Variants in RAP1A observed in about 807,000 individuals in gnomAD.
The protein encoded by RAP1A is RAP1A, member of RAS oncogene family.
In RAP1A, 6 loss-of-function variants were observed where a neutral mutation model predicts 26.4. The ratio of observed to expected loss-of-function variants is 0.23; its 90% CI spans 0.12 to 0.45. The LOEUF (loss-of-function observed/expected upper bound fraction) is 0.45. RAP1A is among the 20% of genes least tolerant of loss of function. RAP1A has a pLI of 0.99. For synonymous variants in RAP1A, 73 were observed against 79.4 expected (o/e 0.92, Z 0.43); for missense variants, 121 against 217.2 (o/e 0.56, Z 2.78).
intron 1 of RAP1A, among the ~76,000 whole-genome samples, chr1:111,656,430 T>C (rs1235394118): frequency 6.6e-6 from 1 of 152,208 alleles, no homozygotes; most frequent in Non-Finnish European, 1.5e-5. Flanking sequence ...CCCCTTTCCC[T>C]TGTAGTAGTG....
intron 1 of RAP1A, among the ~76,000 whole-genome samples, chr1:111,629,260 C>T (rs1659494789): frequency 6.6e-6 from 1 of 152,062 alleles, no homozygotes; most frequent in South Asian, 2.1e-4. Flanking sequence ...TTCCTGTTTT[C>T]TCTCTCAGCC....
intron 1 of RAP1A, among the ~76,000 whole-genome samples, chr1:111,651,721 C>T (rs1346888818): frequency 6.6e-6 from 1 of 151,960 alleles, no homozygotes; most frequent in Non-Finnish European, 1.5e-5. Flanking sequence ...AAGTGATCTG[C>T]CTGCCTCGGC....
intron 1 of RAP1A, among the ~76,000 whole-genome samples, chr1:111,650,093 CTTTTTTTTTTT>C (rs57681662): frequency 1.3e-5 from 1 of 75,850 alleles, no homozygotes; most frequent in African/African-American, 5.1e-5. Context: ...TGGTAGAGTG[CTTTTTTTTTTT>C]TTTTTTTTTT....
At chr1:111,648,206 T>TG (rs773470455) in intron 1 of RAP1A, 4,619 of 140,490 alleles carry the variant, frequency 0.033, 21 homozygotes, top group South Asian at 0.064. Context: ...TGTGTGTGTA[T>TG]TTTTTTTTTT....
intron 1 of RAP1A, chr1:111,686,747 T>G (rs1661494867): frequency 6.9e-6 from 1 of 145,656 alleles, no homozygotes; most frequent in Admixed American, 6.8e-5. Flanking sequence ...AACCAAAAAG[T>G]TTGAGAACTG....
intron 1 of RAP1A, among the ~76,000 whole-genome samples, chr1:111,566,003 A>C (rs1254657299): frequency 6.6e-6 from 1 of 152,052 alleles, no homozygotes. Flanking sequence ...AGGAGGAACA[A>C]ATAACTCAGA....
chr1:111,705,980 G>C (rs1263867884), intron 6 of RAP1A, among the ~76,000 whole-genome samples: 1 of 152,210 alleles, frequency 6.6e-6, no homozygotes, highest in Non-Finnish European at 1.5e-5. Context: ...TTGGGAGCCA[G>C]AGGACAGTAC....
chr1:111,685,127 G>C (rs1326030127), intron 1 of RAP1A, among the ~76,000 whole-genome samples: 1 of 152,134 alleles, frequency 6.6e-6, no homozygotes, highest in African/African-American at 2.4e-5. Flanking sequence ...ATTAAGTCAA[G>C]ATGGATTAAA....
chr1:111,637,541 A>G (rs1659762685), intron 1 of RAP1A, among the ~76,000 whole-genome samples: 1 of 152,222 alleles, frequency 6.6e-6, no homozygotes, highest in Admixed American at 6.5e-5. Flanking sequence ...TTGAGAATGC[A>G]TGCAATAAGC....
At chr1:111,635,836 G>C (rs1213073847) in intron 1 of RAP1A, among the ~76,000 whole-genome samples, 1 of 151,992 alleles carries the variant, frequency 6.6e-6, no homozygotes, top group Non-Finnish European at 1.5e-5. Flanking sequence ...GCCTCCCAAA[G>C]TGTTGGAATT....
chr1:111,692,206 A>C (rs1359522559), intron 2 of RAP1A, among the ~76,000 whole-genome samples: 1 of 152,188 alleles, frequency 6.6e-6, no homozygotes, highest in Admixed American at 6.5e-5. Context: ...ATGGCTCCCA[A>C]GTTTCTAGTT....
intron 1 of RAP1A, among the ~76,000 whole-genome samples, chr1:111,688,808 GTTTTTTTTTTTT>G (rs753016302): frequency 8.1e-6 from 1 of 124,186 alleles, no homozygotes; most frequent in Non-Finnish European, 1.8e-5. Flanking sequence ...TTTTGTTTTT[GTTTTTTTTTTTT>G]TGTTTTTTTT....
upstream of RAP1A, among the ~76,000 whole-genome samples, chr1:111,619,598 T>C (rs1263581022): frequency 6.6e-6 from 1 of 152,184 alleles, no homozygotes; most frequent in Non-Finnish European, 1.5e-5. Flanking sequence ...TACGCAAAGC[T>C]AAAACTCCCC....
chr1:111,555,928 A>T (rs1657470997), intron 1 of RAP1A, among the ~76,000 whole-genome samples: 1 of 152,214 alleles, frequency 6.6e-6, no homozygotes, highest in Non-Finnish European at 1.5e-5. Context: ...CTACATCAAA[A>T]TTTAAAACAT....
intron 1 of RAP1A, among the ~76,000 whole-genome samples, chr1:111,597,854 T>C (rs1658590213): frequency 6.6e-6 from 1 of 152,188 alleles, no homozygotes; most frequent in African/African-American, 2.4e-5. Context: ...AATGACTCTA[T>C]TGAGTTTCTA....
chr1:111,601,123 T>C (rs746769196), intron 1 of RAP1A, among the ~76,000 whole-genome samples: 15 of 152,242 alleles, frequency 9.9e-5, no homozygotes, highest in Non-Finnish European at 1.8e-4. Flanking sequence ...CACATACTTA[T>C]ATTTAGACCA....
chr1:111,700,836 T>C (rs1168011481), intron 4 of RAP1A, among the ~76,000 whole-genome samples: 3 of 152,166 alleles, frequency 2.0e-5, no homozygotes, highest in African/African-American at 7.2e-5. Context: ...TTATATTATG[T>C]GTACATCCAA....
At chr1:111,652,903 C>A (rs1489888540) in intron 1 of RAP1A, among the ~76,000 whole-genome samples, 3 of 152,116 alleles carry the variant, frequency 2.0e-5, no homozygotes, top group African/African-American at 4.8e-5. Flanking sequence ...TATCTTACGA[C>A]CCAGCAGTTT....
chr1:111,607,791 G>A (rs1357055475), intron 1 of RAP1A, among the ~76,000 whole-genome samples: 2 of 132,010 alleles, frequency 1.5e-5, no homozygotes, highest in Non-Finnish European at 3.3e-5. Context: ...CTCACCTCCC[G>A]GACGGGGCGG....
Sources: allele counts gnomAD v4.1 joint callset (sites outside exome capture counted in the v4.1 genomes callset), GRCh38; gene constraint gnomAD v4.1.1; transcripts MANE v1.5; gene names NCBI Gene and HGNC (gene_info 2026-07-23, HGNC 2026-07-21).